The following BAZ2B variants were observed in gnomAD, a reference collection of about 807,000 sequenced individuals.
The protein encoded by BAZ2B is bromodomain adjacent to zinc finger domain 2B, also known as bromodomain adjacent to zinc finger domain protein 2B.
A neutral mutation model predicts 246.0 loss-of-function variants in BAZ2B; 91 were observed. The ratio of observed to expected loss-of-function variants is 0.37; its 90% CI spans 0.31 to 0.44. The LOEUF (loss-of-function observed/expected upper bound fraction) is 0.44. Among genes scored for constraint, BAZ2B ranks in the 20% least tolerant of loss-of-function variants. The pLI is 1.00. For synonymous variants in BAZ2B, 855 were observed against 860.0 expected (o/e 0.99, Z 0.10); for missense variants, 2,332 against 2,533.7 (o/e 0.92, Z 1.71).
At chr2:159,385,473 A>T in intron 22 of BAZ2B, 104 bp from the exon 23 acceptor site, 1 of 976,172 alleles carries the variant, frequency 1.0e-6, no homozygotes, top group Non-Finnish European at 1.5e-6. Flanking sequence ...TACTACTGAC[A>T]AGAGCTTTAT....
chr2:159,660,673 C>G, the BAZ2B span, among the ~76,000 whole-genome samples: 4 of 152,152 alleles, frequency 2.6e-5, no homozygotes, highest in Non-Finnish European at 5.9e-5. Context: ...AATTTCAGCT[C>G]ACTGCAACCT....
chr2:159,564,663 T>C (rs753001575), intron 1 of BAZ2B, among the ~76,000 whole-genome samples: 2 of 152,150 alleles, frequency 1.3e-5, no homozygotes, highest in Non-Finnish European at 2.9e-5. Context: ...GTAAATGACA[T>C]TGCCAAATTT....
intron 1 of BAZ2B, among the ~76,000 whole-genome samples, chr2:159,587,476 C>G (rs1688318205): frequency 6.6e-6 from 1 of 152,194 alleles, no homozygotes; most frequent in Non-Finnish European, 1.5e-5. Flanking sequence ...TCCTTTCCCA[C>G]TTTTTACATC....
At chr2:159,438,847 C>A in intron 7 of BAZ2B, 152 bp from the exon 8 acceptor site, 2 of 1,213,960 alleles carry the variant, frequency 1.6e-6, no homozygotes, top group East Asian at 2.4e-5. Flanking sequence ...AAAGAAATAC[C>A]GTATGTCCCT....
chr2:159,423,668 CAGGAAT>C (rs1174340374), intron 13 of BAZ2B, among the ~76,000 whole-genome samples: 1 of 152,170 alleles, frequency 6.6e-6, no homozygotes, highest in Admixed American at 6.5e-5. Context: ...TATATACACC[CAGGAAT>C]ACTATGCAGC....
chr2:159,431,215 T>C, intron 9 of BAZ2B, 59 bp from the exon 10 acceptor site: 1 of 1,528,054 alleles, frequency 6.5e-7, no homozygotes, highest in East Asian at 2.3e-5. Context: ...TAATTTGCAG[T>C]TTGTATCTAA....
At chr2:159,603,528 A>T (rs1156365775) in intron 1 of BAZ2B, among the ~76,000 whole-genome samples, 2 of 152,060 alleles carry the variant, frequency 1.3e-5, no homozygotes, top group African/African-American at 4.8e-5. Context: ...TCTAACATGG[A>T]TCTGGAACCC....
intron 1 of BAZ2B, among the ~76,000 whole-genome samples, chr2:159,588,784 C>A (rs191474920): frequency 3.4e-4 from 52 of 152,202 alleles, no homozygotes; most frequent in African/African-American, 1.1e-3. Flanking sequence ...ACAAATAAAT[C>A]ATATATTCCA....
intron 27 of BAZ2B, among the ~76,000 whole-genome samples, chr2:159,362,511 T>C (rs1326228682): frequency 1.3e-5 from 2 of 152,216 alleles, no homozygotes; most frequent in African/African-American, 2.4e-5. Context: ...GAATCCTGTG[T>C]ACGGTTACTT....
chr2:159,568,492 A>C (rs1254670887), intron 1 of BAZ2B, among the ~76,000 whole-genome samples: 1 of 152,170 alleles, frequency 6.6e-6, no homozygotes, highest in Non-Finnish European at 1.5e-5. Flanking sequence ...ATTTAACTAT[A>C]AATTATTTAA....
intron 34 of BAZ2B, among the ~76,000 whole-genome samples, chr2:159,331,163 T>G (rs897737653): frequency 6.6e-6 from 1 of 152,026 alleles, no homozygotes; most frequent in African/African-American, 2.4e-5. Flanking sequence ...AAAATTTGCT[T>G]AGTTAGGAGT....
chr2:159,350,446 T>C (rs983956480), intron 27 of BAZ2B, 89 bp from the exon 28 acceptor site: 10 of 1,254,014 alleles, frequency 8.0e-6, no homozygotes, highest in Non-Finnish European at 1.1e-5. Flanking sequence ...TCAAATTATA[T>C]GCATAAATAC....
At chr2:159,578,343 G>T (rs997622768) in intron 1 of BAZ2B, among the ~76,000 whole-genome samples, 1 of 152,050 alleles carries the variant, frequency 6.6e-6, no homozygotes, top group African/African-American at 2.4e-5. Context: ...AAAAAGAAAA[G>T]TTCTATGGTA....
At chr2:159,599,787 T>C (rs1691650620) in intron 1 of BAZ2B, among the ~76,000 whole-genome samples, 1 of 151,050 alleles carries the variant, frequency 6.6e-6, no homozygotes, top group Admixed American at 6.6e-5. Context: ...ATACAAAAAA[T>C]TAGCCGGGCG....
At chr2:159,691,058 A>G in the BAZ2B span, among the ~76,000 whole-genome samples, 14 of 152,156 alleles carry the variant, frequency 9.2e-5, no homozygotes, top group African/African-American at 3.1e-4. Flanking sequence ...AAAGGTGTGT[A>G]TATATATTTA....
intron 2 of BAZ2B, among the ~76,000 whole-genome samples, chr2:159,554,995 C>T (rs1322043316): frequency 6.6e-6 from 1 of 151,034 alleles, no homozygotes; most frequent in Non-Finnish European, 1.5e-5. Context: ...CTATAAATAT[C>T]AATAAAAAAT....
At chr2:159,651,818 G>A in the BAZ2B span, among the ~76,000 whole-genome samples, 1 of 152,022 alleles carries the variant, frequency 6.6e-6, no homozygotes, top group African/African-American at 2.4e-5. Flanking sequence ...TTTGTGACTA[G>A]CTCCTTTCAC....
At chr2:159,466,860 G>A (rs754608823) in intron 3 of BAZ2B, among the ~76,000 whole-genome samples, 18 of 152,002 alleles carry the variant, frequency 1.2e-4, no homozygotes, top group South Asian at 6.2e-4. Context: ...ATTAGATGAT[G>A]CCCACCTACA....
At chr2:159,440,546 T>C (rs2073199087) in intron 6 of BAZ2B, among the ~76,000 whole-genome samples, 1 of 148,532 alleles carries the variant, frequency 6.7e-6, no homozygotes, top group African/African-American at 2.5e-5. Context: ...GGGGACAGTC[T>C]CGCTCTGTCG....
Sources: gnomAD v4.1 joint callset for allele counts (sites outside exome capture counted in the v4.1 genomes callset) on GRCh38, gnomAD v4.1.1 for gene constraint, MANE v1.5 for transcripts, NCBI Gene and HGNC (gene_info 2026-07-23, HGNC 2026-07-21) for gene names.